Variants in PLCL2 observed in about 807,000 individuals in gnomAD.
PLCL2 encodes the protein phospholipase C like 2.
Under a neutral mutation model 79.6 loss-of-function variants are expected in PLCL2, and 4 were observed. The ratio of observed to expected loss-of-function variants is 0.05; its 90% CI spans 0.02 to 0.11. The LOEUF is 0.11. PLCL2 is among the 10% of genes least tolerant of loss of function. The pLI is 1.00. For synonymous variants in PLCL2, 484 were observed against 457.7 expected (o/e 1.06, Z -0.73); for missense variants, 895 against 1,291.0 (o/e 0.69, Z 4.70).
Position 16,900,829 on chromosome 3 carries a change from G to C in PLCL2, c.327+15463G>C, listed in dbSNP as rs776541886. On this transcript the variant is annotated intron_variant, in intron 1 of 5. Transcript: ENST00000615277. ...GTTGGGCTTTGGACTCAGATCTGCT[G>C]GTTACTCTCCATGCCACTTGGGTAC... Among the ~76,000 whole-genome samples the C allele has an allele frequency of 4.6e-5, 7 of 152,212 alleles. No individual in the cohort carries two copies. The East Asian group carries it at 1.4e-3, about 29-fold the overall frequency.
chr3:17,061,036 C>T (rs2064947547), intron 4 of PLCL2, among the ~76,000 whole-genome samples: 1 of 152,086 alleles, frequency 6.6e-6, no homozygotes, highest in Non-Finnish European at 1.5e-5. Context: ...ATCAATATGT[C>T]TCCTTATGAA....
At chr3:17,029,695 A>G (rs2064560427) in intron 3 of PLCL2, among the ~76,000 whole-genome samples, 1 of 152,098 alleles carries the variant, frequency 6.6e-6, no homozygotes. Context: ...CCAGAGAGCC[A>G]CTTTCCCCCA....
intron 1 of PLCL2, among the ~76,000 whole-genome samples, chr3:16,902,894 A>G (rs898336146): frequency 1.4e-5 from 2 of 142,430 alleles, no homozygotes; most frequent in Admixed American, 1.5e-4. Flanking sequence ...GCGCATGTGC[A>G]TGCTTTGGAA....
At position 16,939,850 on chromosome 3, in the gene PLCL2, T is replaced by C. The variant is rs141707272; in HGVS notation, c.327+54484T>C. Among the ~76,000 whole-genome samples the C allele has an allele frequency of 2.7e-3, 404 of 152,308 alleles. 7 individuals carry two copies. Among genetic ancestry groups the C allele is most frequent in the East Asian group, 0.017 (90 of 5,182 alleles). ...AAAACCTCAGAAAAACGTTTGTTTC[T>C]AGGACAGCATAGAAGGGGAAGAAAC... On this transcript the variant is annotated intron_variant, in intron 1 of 5. Coordinates refer to ENST00000615277, the MANE Select transcript of PLCL2 (RefSeq NM_001144382.2).
intron 1 of PLCL2, among the ~76,000 whole-genome samples, chr3:16,952,031 A>T (rs981955868): frequency 6.6e-6 from 1 of 152,050 alleles, no homozygotes; most frequent in African/African-American, 2.4e-5. Flanking sequence ...GGTTCTATGT[A>T]ACAGATGATA....
At chr3:16,980,686 A>C (rs1302052368) in intron 1 of PLCL2, among the ~76,000 whole-genome samples, 1 of 151,882 alleles carries the variant, frequency 6.6e-6, no homozygotes, top group Admixed American at 6.5e-5. Flanking sequence ...CTCACATCCC[A>C]GACGATGGGC....
intron 1 of PLCL2, among the ~76,000 whole-genome samples, chr3:16,898,181 A>G (rs1015129898): frequency 2.0e-5 from 3 of 152,170 alleles, no homozygotes; most frequent in African/African-American, 7.2e-5. Context: ...AGCTGTCCCT[A>G]TCTTGATTGT....
chr3:16,939,026 A>C (rs1009368828), intron 1 of PLCL2, among the ~76,000 whole-genome samples: 2 of 152,218 alleles, frequency 1.3e-5, no homozygotes, highest in African/African-American at 4.8e-5. Flanking sequence ...AAATATAGAG[A>C]TTCCTAGAAA....
chr3:16,913,372 A>G (rs953210845), intron 1 of PLCL2, among the ~76,000 whole-genome samples: 3 of 151,096 alleles, frequency 2.0e-5, no homozygotes, highest in Admixed American at 6.6e-5. Flanking sequence ...TTTATCTAGT[A>G]AGACTCTTCT....
chr3:16,895,763 A>G (rs1432523213), intron 1 of PLCL2, among the ~76,000 whole-genome samples: 1 of 152,140 alleles, frequency 6.6e-6, no homozygotes, highest in Middle Eastern at 3.2e-3. Flanking sequence ...TATGAGGAAA[A>G]GGAAGAAAGA....
intron 1 of PLCL2, among the ~76,000 whole-genome samples, chr3:16,970,249 C>T (rs1403421799): frequency 1.3e-5 from 2 of 150,690 alleles, no homozygotes; most frequent in African/African-American, 2.4e-5. Context: ...GTGTGATGTT[C>T]CCCTTCCTGT....
At chr3:16,949,144 C>G (rs2063627449) in intron 1 of PLCL2, among the ~76,000 whole-genome samples, 1 of 152,074 alleles carries the variant, frequency 6.6e-6, no homozygotes, top group Admixed American at 6.5e-5. Context: ...CAGTAGAATC[C>G]TAGTACATGA....
chr3:16,901,095 T>G (rs1387636519), intron 1 of PLCL2, among the ~76,000 whole-genome samples: 1 of 152,254 alleles, frequency 6.6e-6, no homozygotes, highest in Non-Finnish European at 1.5e-5. Context: ...CTCCACTGCT[T>G]ATTTTGATAA....
chr3:16,977,041 T>C (rs548708426), intron 1 of PLCL2, among the ~76,000 whole-genome samples: 22 of 152,278 alleles, frequency 1.4e-4, no homozygotes, highest in African/African-American at 5.1e-4. Context: ...ATGGACATTA[T>C]TCATTAAAAA....
chr3:16,984,057 A>G (rs370625490), intron 1 of PLCL2, among the ~76,000 whole-genome samples: 84 of 152,314 alleles, frequency 5.5e-4, no homozygotes, highest in African/African-American at 1.7e-3. Flanking sequence ...GGATAATTCT[A>G]TGGTTCTGCC....
intron 4 of PLCL2, among the ~76,000 whole-genome samples, chr3:17,048,084 CTTT>C (rs36004545): frequency 6.9e-6 from 1 of 145,814 alleles, no homozygotes; most frequent in Non-Finnish European, 1.5e-5. Flanking sequence ...TGCTCAGAGA[CTTT>C]TTTTTTTTTT....
chr3:16,950,434 C>A (rs2063639990), intron 1 of PLCL2, among the ~76,000 whole-genome samples: 1 of 152,032 alleles, frequency 6.6e-6, no homozygotes, highest in South Asian at 2.1e-4. Context: ...TGGTTTTGGT[C>A]TTGTATTTGA....
intron 4 of PLCL2, among the ~76,000 whole-genome samples, chr3:17,052,426 A>G (rs2064852246): frequency 1.3e-5 from 2 of 152,146 alleles, no homozygotes; most frequent in Admixed American, 1.3e-4. Context: ...AATTGATATC[A>G]GACAATCTGG....
chr3:17,049,735 T>C (rs1308680562), intron 4 of PLCL2, among the ~76,000 whole-genome samples: 1 of 152,102 alleles, frequency 6.6e-6, no homozygotes, highest in Non-Finnish European at 1.5e-5. Context: ...AGAATCAATA[T>C]TGTTAAAATG....
Sources: allele counts gnomAD v4.1 joint callset (sites outside exome capture counted in the v4.1 genomes callset), GRCh38; gene constraint gnomAD v4.1.1; transcripts MANE v1.5; gene names NCBI Gene and HGNC (gene_info 2026-07-23, HGNC 2026-07-21).